WASF2: variants seen among roughly 807,000 people sequenced by gnomAD.
WASF2 encodes WASP family member 2.
In WASF2, 14 loss-of-function variants were observed where a neutral mutation model predicts 45.0. The observed-to-expected ratio is 0.31, with a 90% confidence interval of 0.21 to 0.49. The LOEUF (loss-of-function observed/expected upper bound fraction) is 0.49, where lower values mean the gene tolerates loss of function less well. Among genes scored for constraint, WASF2 ranks in the 20% least tolerant of loss-of-function variants. WASF2 has a pLI of 0.99. For missense variants in WASF2, 439 were observed against 636.1 expected, an observed-to-expected ratio of 0.69 and a Z score of 3.33; for synonymous variants, 200 against 236.3, an observed-to-expected ratio of 0.85 and a Z score of 1.41.
intron 1 of WASF2, among the ~76,000 whole-genome samples, chr1:27,466,628 G>T (rs989083628): frequency 9.2e-5 from 14 of 152,326 alleles, no homozygotes; most frequent in African/African-American, 3.4e-4. Context: ...CAGCCTTTGG[G>T]AAGCTGAGGT....
In WASF2 at chr1:27,419,049, T is replaced by A; in HGVS notation, c.170A>T (p.Gln57Leu). The change falls in exon 3 of 9, where the codon CAG becomes CTG. Residue 57 changes from glutamine to leucine, a missense_variant. Gln to Leu is a moderately radical substitution (Grantham distance 113, BLOSUM62 -2). Coordinates refer to ENST00000618852, the MANE Select transcript of WASF2 (RefSeq NM_006990.5). ...TACCCGAGAGGCAAAGGTATTTGCCTGAGTAAAGAGCTCTCCAAAAATGTC... is the reference window on the plus strand; with the variant it reads ...TACCCGAGAGGCAAAGGTATTTGCCAGAGTAAAGAGCTCTCCAAAAATGTC... ...AEDIFGELFT[Q>L]ANTFASRVSS... is the part of the protein sequence containing the mutation. 1 of 1,614,084 alleles carries A rather than the reference T, an allele frequency of 6.2e-7. No individual in the cohort carries two copies. Among genetic ancestry groups the A allele is most frequent in the Non-Finnish European group, 8.5e-7 (1 of 1,179,998 alleles).
chr1:27,418,774 G>A (rs1299000791), intron 3 of WASF2, among the ~76,000 whole-genome samples, 180 bp downstream of exon 3: 2 of 152,138 alleles, frequency 1.3e-5, no homozygotes, highest in African/African-American at 2.4e-5. Flanking sequence ...GAGTGCATGG[G>A]GGTGTGGTGG....
rs138169606 is a variant in WASF2 at position 27,418,455 on chromosome 1, C to T, written c.266-33G>A. ...AAGATGGAAGGCGTTAGAAAATGGA[C>T]GACAGGCTATTTGAGCAAACACTGA... On this transcript the variant is annotated intron_variant, in intron 3 of 8. Coordinates refer to ENST00000618852, the MANE Select transcript of WASF2 (RefSeq NM_006990.5). The T allele has an allele frequency of 1.5e-5, 24 of 1,614,014 alleles. No individual in the cohort carries two copies. In the East Asian group the frequency reaches 1.8e-4, roughly 12 times the overall value.
In WASF2 at chr1:27,476,871, A is replaced by G. The variant is rs114028196; in HGVS notation, c.-44+13115T>C. ...GGTGCAAGGCTCTGTGTGTTCAGCA[A>G]TGTGAAAAACAGCTTCCATGTAGAC... On this transcript the variant is annotated intron_variant, in intron 1 of 8. Transcript: ENST00000618852. Among the ~76,000 whole-genome samples the G allele has an allele frequency of 3.9e-3, 594 of 152,346 alleles. 4 individuals carry two copies. Among genetic ancestry groups the G allele is most frequent in the African/African-American group, 0.013 (558 of 41,576 alleles).
Position 27,409,677 on chromosome 1 carries a change from A to G in WASF2, c.1339+15T>C. 6.7e-7 allele frequency: 1 copy of G among 1,489,552 alleles called. No homozygotes were observed. Among genetic ancestry groups the G allele is most frequent in the East Asian group, 2.3e-5 (1 of 42,610 alleles). 92.3% of individuals were successfully genotyped at this position (1,489,552 alleles called of 1,614,324 possible). On this transcript the variant is annotated intron_variant, in intron 8 of 8. Coordinates refer to ENST00000618852, the MANE Select transcript of WASF2 (RefSeq NM_006990.5). ...GACAAGGCTCCACAGTCCCAAACCC[A>G]CCATTGAAATTTACCTTGACGGATG...
intron 1 of WASF2, among the ~76,000 whole-genome samples, chr1:27,454,187 ATT>A (rs869057863): frequency 2.3e-3 from 29 of 12,768 alleles, no homozygotes; most frequent in Admixed American, 9.3e-3. Flanking sequence ...ATATATATAT[ATT>A]TTTTTTTTTT....
chr1:27,486,175 T>C (rs1557625814), intron 1 of WASF2, among the ~76,000 whole-genome samples: 1 of 152,158 alleles, frequency 6.6e-6, no homozygotes, highest in Non-Finnish European at 1.5e-5. Flanking sequence ...AGTATGAACA[T>C]CCAGACATTT....
chr1:27,456,307 G>A (rs1017827546), intron 1 of WASF2, among the ~76,000 whole-genome samples: 1 of 106,066 alleles, frequency 9.4e-6, no homozygotes, highest in African/African-American at 3.6e-5. Context: ...GGGCTACAGA[G>A]CGAGACTCTA....
At chr1:27,438,587 A>C (rs1259797241) in intron 1 of WASF2, among the ~76,000 whole-genome samples, 1 of 152,252 alleles carries the variant, frequency 6.6e-6, no homozygotes, top group Non-Finnish European at 1.5e-5. Context: ...GTTGCAGAGC[A>C]ACAACAAAAA....
At chr1:27,479,855 A>G (rs929924849) in intron 1 of WASF2, among the ~76,000 whole-genome samples, 1 of 152,226 alleles carries the variant, frequency 6.6e-6, no homozygotes, top group Admixed American at 6.5e-5. Flanking sequence ...ACAGAGCAAG[A>G]CTCCGTCTCA....
intron 6 of WASF2, among the ~76,000 whole-genome samples, chr1:27,413,871 C>T (rs2016795681): frequency 6.6e-6 from 1 of 152,160 alleles, no homozygotes; most frequent in Non-Finnish European, 1.5e-5. Context: ...GGGCTGATTT[C>T]CCAGTAGAGA....
intron 1 of WASF2, among the ~76,000 whole-genome samples, chr1:27,448,635 G>A (rs1000244309): frequency 6.6e-6 from 1 of 151,968 alleles, no homozygotes; most frequent in African/African-American, 2.4e-5. Flanking sequence ...TGGATCTCTT[G>A]AAGTCAGGAG....
chr1:27,422,345 C>T (rs1015329606), intron 2 of WASF2, among the ~76,000 whole-genome samples: 1 of 152,068 alleles, frequency 6.6e-6, no homozygotes, highest in Non-Finnish European at 1.5e-5. Context: ...CTGGGCTGGG[C>T]GCAGTGGCTC....
In WASF2 at chr1:27,487,875, A is replaced by G. The variant is rs1009333617; in HGVS notation, c.-44+2111T>C. 6.0e-5 allele frequency among the ~76,000 whole-genome samples: 9 copies of G among 149,148 alleles called. No individual in the cohort carries two copies. In the Admixed American group the frequency reaches 6.2e-4, roughly 10 times the overall value. ...ATAATCCATTGTAAATAATTTACTC[A>G]ATAAAATGCTCTGATTTTTAAACAA... is the stretch of plus-strand genomic sequence containing the variant. On this transcript the variant is annotated intron_variant, in intron 1 of 8. Coordinates refer to ENST00000618852, the MANE Select transcript of WASF2 (RefSeq NM_006990.5).
intron 2 of WASF2, among the ~76,000 whole-genome samples, chr1:27,427,447 A>C (rs1409645604): frequency 6.6e-6 from 1 of 152,210 alleles, no homozygotes; most frequent in Non-Finnish European, 1.5e-5. Context: ...AGAGGCAGAA[A>C]TTATGCCTTT....
chr1:27,484,231 G>A (rs1248054400), intron 1 of WASF2, among the ~76,000 whole-genome samples: 1 of 152,048 alleles, frequency 6.6e-6, no homozygotes, highest in African/African-American at 2.4e-5. Flanking sequence ...AACAATACCA[G>A]TCCACCTCAC....
chr1:27,479,289 A>G (rs2017814130), intron 1 of WASF2, among the ~76,000 whole-genome samples: 1 of 151,964 alleles, frequency 6.6e-6, no homozygotes, highest in South Asian at 2.1e-4. Context: ...CCATCTCAAA[A>G]AAAAAAAAAA....
chr1:27,475,667 G>T (rs1363954024), intron 1 of WASF2, among the ~76,000 whole-genome samples: 1 of 151,992 alleles, frequency 6.6e-6, no homozygotes, highest in African/African-American at 2.4e-5. Flanking sequence ...TGCCTCTGTT[G>T]CCCAGGCTGG....
intron 1 of WASF2, among the ~76,000 whole-genome samples, chr1:27,444,119 C>G (rs191447691): frequency 6.6e-6 from 1 of 152,186 alleles, no homozygotes; most frequent in East Asian, 1.9e-4. Flanking sequence ...CTGGCTCAGT[C>G]ACTCACGCTG....
Sources: gnomAD v4.1 joint callset for allele counts (sites outside exome capture counted in the v4.1 genomes callset) on GRCh38, gnomAD v4.1.1 for gene constraint, MANE v1.5 for transcripts, NCBI Gene and HGNC (gene_info 2026-07-23, HGNC 2026-07-21) for gene names.